The following TEAD1 variants were observed in gnomAD, a reference collection of about 807,000 sequenced individuals.
The protein encoded by TEAD1 is TEA domain transcription factor 1, also known as transcriptional enhancer factor TEF-1.
Under a neutral mutation model 54.9 loss-of-function variants are expected in TEAD1, and 9 were observed. The observed-to-expected ratio is 0.16, with a 90% CI of 0.10 to 0.29. The LOEUF (loss-of-function observed/expected upper bound fraction) is 0.29. Ranked by LOEUF, TEAD1 falls within the 10% of genes least tolerant of loss-of-function variation. The probability of loss-of-function intolerance (pLI) is 1.00; values close to 1 mark genes in which losing one functional copy is unlikely to be tolerated. For synonymous variants in TEAD1, 200 were observed against 187.8 expected, an observed-to-expected ratio of 1.07 and a Z score of -0.53; for missense variants, 387 against 535.9, an observed-to-expected ratio of 0.72 and a Z score of 2.74.
chr11:12,726,317 A>T (rs929825882), intron 2 of TEAD1, among the ~76,000 whole-genome samples: 4 of 152,104 alleles, frequency 2.6e-5, no homozygotes, highest in African/African-American at 9.7e-5. Context: ...GAGAATTGGG[A>T]CGTCATAATT....
rs374577439 is a variant in TEAD1, at chr11:12,739,198, T to TTCTATCTA, written c.-54-24965_-54-24958dup. On this transcript the variant is annotated intron_variant, in intron 2 of 12. Coordinates refer to ENST00000527636, the MANE Select transcript of TEAD1 (RefSeq NM_021961.6). ...TTGCTTTGCTTTGAGGTCTCATTCT[T>TTCTATCTA]TCTATCTATCTATCTATCTATCTGT... Among the ~76,000 whole-genome samples the TTCTATCTA allele has an allele frequency of 3.9e-3, 569 of 146,954 alleles. 1 individual carries two copies. Among genetic ancestry groups the TTCTATCTA allele is most frequent in the Admixed American group, 5.7e-3 (86 of 15,024 alleles).
chr11:12,745,517 A>G (rs1183970452), intron 2 of TEAD1, among the ~76,000 whole-genome samples: 1 of 152,036 alleles, frequency 6.6e-6, no homozygotes, highest in Non-Finnish European at 1.5e-5. Flanking sequence ...AAAATTTAAA[A>G]ACACAGAATC....
chr11:12,696,328 C>G (rs1943582541), intron 2 of TEAD1, among the ~76,000 whole-genome samples: 2 of 152,226 alleles, frequency 1.3e-5, no homozygotes, highest in African/African-American at 4.8e-5. Context: ...TAAACTCTGT[C>G]TCCTGCCTCT....
intron 2 of TEAD1, among the ~76,000 whole-genome samples, chr11:12,689,924 T>G (rs1026559752): frequency 6.6e-6 from 1 of 151,992 alleles, no homozygotes; most frequent in African/African-American, 2.4e-5. Context: ...ATTGATACCG[T>G]GATCACACCA....
chr11:12,886,280 G>A (rs1183853619), intron 9 of TEAD1, among the ~76,000 whole-genome samples: 1 of 152,176 alleles, frequency 6.6e-6, no homozygotes, highest in East Asian at 1.9e-4. Flanking sequence ...TAATCTGAAT[G>A]GGTAAACTGG....
At chr11:12,765,306 G>C (rs1945185067) in intron 3 of TEAD1, among the ~76,000 whole-genome samples, 2 of 152,158 alleles carry the variant, frequency 1.3e-5, no homozygotes, top group African/African-American at 4.8e-5. Flanking sequence ...TTGGGAAGCA[G>C]ATGGCAGGTG....
intron 12 of TEAD1, among the ~76,000 whole-genome samples, chr11:12,936,290 G>A (rs945424021): frequency 6.6e-6 from 1 of 152,146 alleles, no homozygotes; most frequent in Non-Finnish European, 1.5e-5. Flanking sequence ...AAATACGAGG[G>A]ATAATTAGAG....
At chr11:12,731,006 T>C (rs1944414974) in intron 2 of TEAD1, among the ~76,000 whole-genome samples, 1 of 152,048 alleles carries the variant, frequency 6.6e-6, no homozygotes. Flanking sequence ...CCGGCCCCTT[T>C]CCTACATAGT....
At chr11:12,797,615 G>T (rs1474024462) in intron 3 of TEAD1, among the ~76,000 whole-genome samples, 1 of 151,164 alleles carries the variant, frequency 6.6e-6, no homozygotes, top group African/African-American at 2.4e-5. Context: ...CTAAGTAGTG[G>T]TTATCTTTAA....
In TEAD1 at chr11:12,689,491, A is replaced by G. The variant is rs113438948; in HGVS notation, c.-55+13930A>G. 5.3e-5 allele frequency among the ~76,000 whole-genome samples: 8 copies of G among 152,320 alleles called. 2 individuals carry two copies. The highest frequency in any genetic ancestry group is 1.9e-4 in the African/African-American group (8 of 41,570). On this transcript the variant is annotated intron_variant, in intron 2 of 12. Transcript: ENST00000527636. ...TAGAAGTGCCTTCCTTATGGGTTAT[A>G]GTGCAGGTTCAGTGAGGGTGAGCAC...
At chr11:12,864,628 T>TTTTGTTTTGG in intron 4 of TEAD1, 1 of 1,091,346 alleles carries the variant, frequency 9.2e-7, no homozygotes. Flanking sequence ...TTTTGTTTTG[T>TTTTGTTTTGG]TTTGTTTTGT....
At chr11:12,798,891 T>C (rs1945993132) in intron 3 of TEAD1, among the ~76,000 whole-genome samples, 1 of 152,228 alleles carries the variant, frequency 6.6e-6, no homozygotes. Context: ...AGTCCACGAA[T>C]TGGTTTGCCT....
intron 10 of TEAD1, among the ~76,000 whole-genome samples, chr11:12,904,268 T>C (rs200008209): frequency 3.7e-5 from 2 of 53,678 alleles, no homozygotes; most frequent in African/African-American, 1.3e-4. Flanking sequence ...ACACATAAGT[T>C]TTATCACATC....
intron 6 of TEAD1, among the ~76,000 whole-genome samples, chr11:12,880,281 C>G (rs535967498): frequency 6.6e-6 from 1 of 152,196 alleles, no homozygotes; most frequent in Non-Finnish European, 1.5e-5. Flanking sequence ...ATTTTGACAC[C>G]TACCAAAGGC....
chr11:12,851,499 T>G (rs1947273614), intron 3 of TEAD1, among the ~76,000 whole-genome samples: 1 of 152,106 alleles, frequency 6.6e-6, no homozygotes, highest in South Asian at 2.1e-4. Flanking sequence ...TAAAATTTAT[T>G]TTTTAAAAAA....
In TEAD1 at chr11:12,902,018, C is replaced by T. The variant is rs769640593; in HGVS notation, c.778C>T (p.Arg260Cys). 2.5e-6 allele frequency: 4 copies of T among 1,614,086 alleles called. No homozygotes were observed. Among genetic ancestry groups the T allele is most frequent in the African/African-American group, 1.3e-5 (1 of 74,928 alleles). The change falls in exon 10 of 13, where the codon CGT becomes TGT. Residue 260 changes from arginine to cysteine, a missense_variant. Arg to Cys is a radical substitution (Grantham distance 180). Transcript: ENST00000527636. ...CCCATTGCTTGAATCAGTGGACATT[C>T]GTCAGATTTATGACAAATTTCCTGA...
At chr11:12,866,091 C>A (rs538625069) in intron 5 of TEAD1, among the ~76,000 whole-genome samples, 1 of 152,146 alleles carries the variant, frequency 6.6e-6, no homozygotes, top group African/African-American at 2.4e-5. Context: ...CTGGCTCGCT[C>A]GCACGTGTGG....
chr11:12,712,110 C>T (rs552886091), intron 2 of TEAD1, among the ~76,000 whole-genome samples: 3 of 152,284 alleles, frequency 2.0e-5, no homozygotes, highest in South Asian at 4.1e-4. Context: ...AGTCCCCAAC[C>T]TTATGGGGCA....
intron 3 of TEAD1, among the ~76,000 whole-genome samples, chr11:12,812,180 G>T (rs1250836252): frequency 6.6e-6 from 1 of 152,100 alleles, no homozygotes. Context: ...TGTGGTTGTG[G>T]ACTGAGAAAA....
Sources: gnomAD v4.1 joint callset for allele counts (sites outside exome capture counted in the v4.1 genomes callset) on GRCh38, gnomAD v4.1.1 for gene constraint, MANE v1.5 for transcripts, NCBI Gene and HGNC (gene_info 2026-07-23, HGNC 2026-07-21) for gene names.